ABCA7: variants seen among roughly 807,000 people sequenced by gnomAD.
ABCA7 encodes the protein ATP binding cassette subfamily A member 7.
A neutral mutation model predicts 227.6 loss-of-function variants in ABCA7; 261 were observed. The ratio of observed to expected loss-of-function variants is 1.15; its 90% CI spans 1.04 to 1.27. The LOEUF (loss-of-function observed/expected upper bound fraction) is 1.27, where lower values mean the gene tolerates loss of function less well. Among genes scored for constraint, ABCA7 ranks in the 50% most tolerant of loss-of-function variants. ABCA7 has a pLI of 0.00. For missense variants in ABCA7, 3,331 were observed against 2,924.5 expected, an observed-to-expected ratio of 1.14 and a Z score of -3.21; for synonymous variants, 1,488 against 1,279.7, an observed-to-expected ratio of 1.16 and a Z score of -3.47.
chr19:1,042,845 C>G lies in ABCA7; in HGVS notation c.579+19C>G, dbSNP rs376504377. ...CCAGGAGGTACGAGGCCCCACTCATCCTCAACCCCCATGGAGGCAACGTTG... is the reference window on the plus strand; with the variant it reads ...CCAGGAGGTACGAGGCCCCACTCATGCTCAACCCCCATGGAGGCAACGTTG... On this transcript the variant is annotated intron_variant, in intron 7 of 46. Transcript: ENST00000263094. 34 of 1,556,268 alleles carry G rather than the reference C, an allele frequency of 2.2e-5. No individual in the cohort carries two copies. The African/African-American group carries it at 4.1e-4, about 19-fold the overall frequency.
At position 1,050,995 on chromosome 19, in the gene ABCA7, T is replaced by C; in HGVS notation, c.2627T>C (p.Met876Thr). 6.2e-7 allele frequency: 1 copy of C among 1,612,424 alleles called. No homozygotes were observed. The highest frequency in any genetic ancestry group is 1.1e-5 in the South Asian group (1 of 91,022). Residue 876 changes from methionine to threonine, a missense_variant, in exon 19 of 47, where the codon ATG (methionine) becomes ACG (threonine). By Grantham distance (81) the Met-to-Thr change is moderately conservative. Transcript: ENST00000263094. Reference protein sequence around the residue: ...FILGHDVRSSMAAIRPHLGVC... With the variant: ...FILGHDVRSSTAAIRPHLGVC... ...CTGGGCCACGACGTCCGCTCCAGCATGGCCGCCATCCGGCCCCACCTGGGC... is the reference window on the plus strand; with the variant it reads ...CTGGGCCACGACGTCCGCTCCAGCACGGCCGCCATCCGGCCCCACCTGGGC...
chr19:1,048,564 CT>C, intron 16 of ABCA7, among the ~76,000 whole-genome samples: 1 of 147,608 alleles, frequency 6.8e-6, no homozygotes, highest in Admixed American at 6.8e-5. Flanking sequence ...TTTCCCAGCA[CT>C]TTGGGAGGCC....
chr19:1,046,882 C>T lies in ABCA7; in HGVS notation c.1703C>T (p.Ala568Val), dbSNP rs1599588602. 2 of 1,548,558 alleles carry T rather than the reference C, an allele frequency of 1.3e-6. No individual in the cohort carries two copies. Among genetic ancestry groups the T allele is most frequent in the Non-Finnish European group, 1.7e-6 (2 of 1,151,290 alleles). Residue 568 changes from alanine (A) to valine (V), a missense_variant, in exon 14 of 47, where the codon GCC (alanine) becomes GTC (valine). Ala to Val is a moderately conservative substitution (Grantham distance 64). Transcript: ENST00000263094. ...TACTCCGTGACACTGACAGTGAAGG[C>T]CGTGGTGCGGGAGAAGGAGACGCGG... ...WIYSVTLTVK[A>V]VVREKETRLR...
At chr19:1,047,744 T>G (rs1342761095) in intron 16 of ABCA7, 90 bp downstream of exon 16, 742 of 907,776 alleles carry the variant, frequency 8.2e-4, no homozygotes, top group South Asian at 2.3e-3. Flanking sequence ...CGTTTGGGGG[T>G]GGGGGGTGGC....
Position 1,057,821 on chromosome 19 carries a change from G to C in ABCA7, c.4881-94G>C, listed in dbSNP as rs1274089353. On this transcript the variant is annotated intron_variant, in intron 35 of 46. Coordinates refer to ENST00000263094, the MANE Select transcript of ABCA7 (RefSeq NM_019112.4). ...ATGTGCTTTGGGTGAAAATGTCAAG[G>C]TCTAAGGCAGAGAAGATGGGAATGG... The C allele has an allele frequency of 2.7e-6, 4 of 1,471,788 alleles. No homozygotes were observed. The Admixed American group carries it at 6.1e-5, about 23-fold the overall frequency. 91.2% of individuals were successfully genotyped at this position (1,471,788 alleles called of 1,614,324 possible).
At position 1,051,929 on chromosome 19, in the gene ABCA7, C is replaced by T. The variant is rs762821877; in HGVS notation, c.2963-13C>T. On this transcript the variant is annotated splice_polypyrimidine_tract_variant and intron_variant, in intron 21 of 46. Coordinates refer to ENST00000263094, the MANE Select transcript of ABCA7 (RefSeq NM_019112.4). ...GGCCTGATGGTAGTTGTGGGTTGGT[C>T]CCCCGTGCCTAGGTCGCACGCTGAT... The T allele has an allele frequency of 6.2e-6, 10 of 1,607,656 alleles. No individual in the cohort carries two copies. Among genetic ancestry groups the T allele is most frequent in the South Asian group, 2.2e-5 (2 of 90,972 alleles).
At position 1,041,935 on chromosome 19, in the gene ABCA7, G is replaced by T; in HGVS notation, c.265G>T (p.Glu89Ter). The change falls in exon 4 of 47, where the codon GAG becomes TAG. Residue 89 changes from glutamate to a stop codon, truncating the protein, a stop_gained. Coordinates refer to ENST00000263094, the MANE Select transcript of ABCA7 (RefSeq NM_019112.4). LOFTEE classifies it high-confidence loss of function. Reference sequence around the variant, plus strand: ...CTGCTTTCCGCAGCTGACACCGGGCGAGGAGCCCGGGCGCCTGAGCAACTT... The same window carrying T: ...CTGCTTTCCGCAGCTGACACCGGGCTAGGAGCCCGGGCGCCTGAGCAACTT... ...NTCFPQLTPGEEPGRLSNFND... is the reference protein window; with the variant it reads ...NTCFPQLTPG 1 of 1,595,860 alleles carries T rather than the reference G, an allele frequency of 6.3e-7. No homozygotes were observed. Among genetic ancestry groups the T allele is most frequent in the South Asian group, 1.1e-5 (1 of 90,142 alleles).
chr19:1,064,200 C>T lies in ABCA7; in HGVS notation c.5991C>T (p.Ile1997=), dbSNP rs781506831. The T allele has an allele frequency of 4.4e-6, 7 of 1,581,238 alleles. No individual in the cohort carries two copies. The highest frequency in any genetic ancestry group is 5.1e-6 in the Non-Finnish European group (6 of 1,165,208). ...AAGCGCTCTGCTCGCGCCTGGCCATCATGGTGAATGGGCGGTTCCGCTGCC... is the reference window on the plus strand; with the variant it reads ...AAGCGCTCTGCTCGCGCCTGGCCATTATGGTGAATGGGCGGTTCCGCTGCC... ...ECEALCSRLA[I]MVNGRFRCLG... Residue 1997 remains isoleucine (I), a synonymous_variant, in exon 45 of 47, where the codon ATC becomes ATT. Coordinates refer to ENST00000263094, the MANE Select transcript of ABCA7 (RefSeq NM_019112.4).
rs369072404 is a variant in ABCA7, at chr19:1,049,345, G to A, written c.2460G>A (p.Pro820=). 2.7e-5 allele frequency: 44 copies of A among 1,611,418 alleles called. No individual in the cohort carries two copies. In the Middle Eastern group the frequency reaches 3.3e-3, roughly 121 times the overall value. Reference sequence around the variant, plus strand: ...TGGAGAAGCGCTTTCCTGGAAGCCCGCAGCCAGCCCTGCGGGGGCTCAGCC... The same window carrying A: ...TGGAGAAGCGCTTTCCTGGAAGCCCACAGCCAGCCCTGCGGGGGCTCAGCC... ...RSLEKRFPGS[P]QPALRGLSLD... Residue 820 remains proline (P), a synonymous_variant, in exon 18 of 47, where the codon CCG becomes CCA. Coordinates refer to ENST00000263094, the MANE Select transcript of ABCA7 (RefSeq NM_019112.4).
At chr19:1,053,047 C>T (rs554220519) in intron 23 of ABCA7, among the ~76,000 whole-genome samples, 1 of 152,304 alleles carries the variant, frequency 6.6e-6, no homozygotes, top group South Asian at 2.1e-4. Context: ...GTGGGTTCCA[C>T]CATGCCTGGC....
Position 1,061,044 on chromosome 19 carries a change from AT to A in ABCA7, c.5464-737del, listed in dbSNP as rs2042618189. ...GCTTTATGCCTCGCTACATACCCCA[AT>A]ATCTGCCTAGCTCCCCCGGGGCCCC... is the stretch of plus-strand genomic sequence containing the variant. On this transcript the variant is annotated intron_variant, in intron 40 of 46. Transcript: ENST00000263094. Among the ~76,000 whole-genome samples the A allele has an allele frequency of 3.3e-5, 5 of 152,010 alleles. No individual in the cohort carries two copies. The South Asian group carries it at 1.0e-3, about 32-fold the overall frequency.
At chr19:1,064,126 G>A (rs1233098536) in intron 44 of ABCA7, 35 bp from the exon 45 acceptor site, 11 of 1,524,452 alleles carry the variant, frequency 7.2e-6, no homozygotes, top group East Asian at 2.5e-5. Flanking sequence ...AGGTGGCCCC[G>A]GCCTCACGGA....
intron 37 of ABCA7, among the ~76,000 whole-genome samples, 157 bp from the exon 38 acceptor site, chr19:1,058,461 C>T (rs1479181570): frequency 1.3e-5 from 2 of 152,124 alleles, no homozygotes; most frequent in Non-Finnish European, 2.9e-5. Flanking sequence ...GATTACATCA[C>T]AAGAGGCCTC....
intron 21 of ABCA7, 33 bp from the exon 22 acceptor site, chr19:1,051,909 G>C (rs2144823506): frequency 6.2e-7 from 1 of 1,602,212 alleles, no homozygotes; most frequent in Non-Finnish European, 8.5e-7. Flanking sequence ...GCGGCGGCCT[G>C]ATGGTAGTTG....
chr19:1,053,319 G>T lies in ABCA7; in HGVS notation c.3221-10G>T. 6.2e-7 allele frequency: 1 copy of T among 1,605,926 alleles called. No individual in the cohort carries two copies. Among genetic ancestry groups the T allele is most frequent in the Non-Finnish European group, 8.5e-7 (1 of 1,177,078 alleles). On this transcript the variant is annotated splice_polypyrimidine_tract_variant and intron_variant, in intron 23 of 46. Coordinates refer to ENST00000263094, the MANE Select transcript of ABCA7 (RefSeq NM_019112.4). ...CCGGGGCTCCCTGAAGCACCCCTTT[G>T]TCCACACAGGCACTCCTCAGCTGCT...
intron 1 of ABCA7, among the ~76,000 whole-genome samples, chr19:1,040,970 G>T (rs1316372084): frequency 6.6e-6 from 1 of 152,044 alleles, no homozygotes. Context: ...GAGGCTGGGG[G>T]TCAGGACCTG....
chr19:1,043,281 G>A (rs2040242439), intron 8 of ABCA7, 30 bp downstream of exon 8: 1 of 1,611,098 alleles, frequency 6.2e-7, no homozygotes, highest in Admixed American at 1.7e-5. Context: ...TTCCCCTCTT[G>A]GGAAGTGGAA....
In ABCA7 at chr19:1,051,294, G is replaced by A. The variant is rs200140277; in HGVS notation, c.2824G>A (p.Gly942Ser). Residue 942 changes from glycine (G) to serine (S), a missense_variant and splice_region_variant, in exon 20 of 47, where the codon GGT (glycine) becomes AGT (serine). By Grantham distance (56) the Gly-to-Ser change is moderately conservative. Transcript: ENST00000263094. The stretch of plus-strand genomic sequence containing the variant: ...GAGTGTGCAGACTCGCCACCTCTCT[G>A]GTGAGCCCATCCCCAAGGGAGGTCA... ...KQSVQTRHLS[G>S]GMQRKLSVAI... The A allele has an allele frequency of 9.4e-6, 15 of 1,593,712 alleles. No homozygotes were observed. The highest frequency in any genetic ancestry group is 1.7e-5 in the Admixed American group (1 of 59,088).
In ABCA7 at chr19:1,062,325, T is replaced by A. The variant is rs1426531578; in HGVS notation, c.5712+12T>A. 6.3e-7 allele frequency: 1 copy of A among 1,599,812 alleles called. No homozygotes were observed. The highest frequency in any genetic ancestry group is 1.7e-5 in the Admixed American group (1 of 59,904). ...CCCAGGTTGCCCAGGTGAGCCCACT[T>A]TGTCCCCACCGCTCTCACCTCCCAG... On this transcript the variant is annotated intron_variant, in intron 42 of 46. Coordinates refer to ENST00000263094, the MANE Select transcript of ABCA7 (RefSeq NM_019112.4).
Sources: allele counts gnomAD v4.1 joint callset (sites outside exome capture counted in the v4.1 genomes callset), GRCh38; gene constraint gnomAD v4.1.1; transcripts MANE v1.5; gene names NCBI Gene and HGNC (gene_info 2026-07-23, HGNC 2026-07-21).